The following LHX8 variants were observed in gnomAD, a reference collection of about 807,000 sequenced individuals.
The protein encoded by LHX8 is LIM/homeobox protein Lhx8.
In LHX8, 12 loss-of-function variants were observed where a neutral mutation model predicts 40.3. The observed-to-expected ratio is 0.30, with a 90% CI of 0.19 to 0.48. The LOEUF is 0.48. LHX8 is among the 20% of genes least tolerant of loss of function. The pLI, the probability that LHX8 is intolerant of heterozygous loss-of-function variation, is 0.99. For synonymous variants in LHX8, 179 were observed against 162.0 expected, an observed-to-expected ratio of 1.10 and a Z score of -0.80; for missense variants, 344 against 433.7, an observed-to-expected ratio of 0.79 and a Z score of 1.84.
rs1044966405 is a variant in LHX8 at position 75,161,032 on chromosome 1, A to T, written c.*137A>T. 1.9e-5 allele frequency: 13 copies of T among 688,034 alleles called. No homozygotes were observed. The highest frequency in any genetic ancestry group is 9.0e-5 in the African/African-American group (5 of 55,684). 42.6% of individuals were successfully genotyped at this position (688,034 alleles called of 1,614,324 possible). A position where few individuals can be genotyped will look rare whatever the true frequency, so the allele number is the denominator to read the frequency against. On this transcript the variant is annotated 3_prime_UTR_variant, in exon 9 of 9. Transcript: ENST00000356261. ...TCCAACATCACTTTGCTGCCCAGGTATGTATCTATAGTTGGCCTGCAAGAC... is the reference window on the plus strand; with the variant it reads ...TCCAACATCACTTTGCTGCCCAGGTTTGTATCTATAGTTGGCCTGCAAGAC...
At chr1:75,165,933 A>G (rs1041576891), downstream of LHX8, among the ~76,000 whole-genome samples, 1 of 152,226 alleles carries the variant, frequency 6.6e-6, no homozygotes, top group South Asian at 2.1e-4. Flanking sequence ...ACTGTATCCC[A>G]AGGACACTTA....
the LHX8 span, among the ~76,000 whole-genome samples, chr1:75,179,317 T>G: frequency 6.6e-6 from 1 of 152,052 alleles, no homozygotes; most frequent in Non-Finnish European, 1.5e-5. Flanking sequence ...AAGTCTCTTT[T>G]TAGGTCTCTA....
At chr1:75,128,905 T>C (rs1570278392) in intron 1 of LHX8, among the ~76,000 whole-genome samples, 1 of 151,896 alleles carries the variant, frequency 6.6e-6, no homozygotes, top group Non-Finnish European at 1.5e-5. Context: ...CCCAGGGAGG[T>C]GCGTCTAACC....
chr1:75,169,179 C>T, the LHX8 span, among the ~76,000 whole-genome samples: 1 of 152,126 alleles, frequency 6.6e-6, no homozygotes, highest in African/African-American at 2.4e-5. Flanking sequence ...CTCCCCTACT[C>T]ATTCACTTGC....
At chr1:75,167,548 C>G in the LHX8 span, among the ~76,000 whole-genome samples, 1 of 152,164 alleles carries the variant, frequency 6.6e-6, no homozygotes, top group South Asian at 2.1e-4. Context: ...CTCCAGGAAG[C>G]CTGCCCTGAT....
intron 7 of LHX8, among the ~76,000 whole-genome samples, chr1:75,154,125 G>T (rs894274291): frequency 6.6e-6 from 1 of 152,168 alleles, no homozygotes; most frequent in African/African-American, 2.4e-5. Context: ...TTGCAAACAA[G>T]AAGGAGGAAA....
chr1:75,172,818 C>A, the LHX8 span, among the ~76,000 whole-genome samples: 1 of 152,082 alleles, frequency 6.6e-6, no homozygotes, highest in Non-Finnish European at 1.5e-5. Flanking sequence ...CAAAAATAAT[C>A]GTGTTTGGGC....
intron 3 of LHX8, among the ~76,000 whole-genome samples, chr1:75,138,714 G>T (rs888312735): frequency 6.6e-6 from 1 of 152,134 alleles, no homozygotes; most frequent in Non-Finnish European, 1.5e-5. Flanking sequence ...AGAAGATATA[G>T]AAGGGTTATG....
chr1:75,139,106 GA>G (rs1029515368), intron 3 of LHX8, among the ~76,000 whole-genome samples: 4 of 152,088 alleles, frequency 2.6e-5, no homozygotes, highest in Non-Finnish European at 4.4e-5. Flanking sequence ...AACTAATATA[GA>G]AAAACACTAT....
chr1:75,139,368 G>GA (rs1171793680), intron 3 of LHX8, among the ~76,000 whole-genome samples: 2 of 152,084 alleles, frequency 1.3e-5, no homozygotes, highest in African/African-American at 4.8e-5. Context: ...AGTGAACTTT[G>GA]AAAAAACGTG....
At chr1:75,191,363 C>T in the LHX8 span, among the ~76,000 whole-genome samples, 1 of 152,140 alleles carries the variant, frequency 6.6e-6, no homozygotes, top group Non-Finnish European at 1.5e-5. Flanking sequence ...CTCTGCACCC[C>T]ACCCGCAGCC....
rs765335899 is a variant in LHX8 at position 75,143,301 on chromosome 1, C to G, written c.543C>G (p.Asp181Glu). 2.4e-5 allele frequency: 39 copies of G among 1,613,102 alleles called. No individual in the cohort carries two copies. The highest frequency in any genetic ancestry group is 3.3e-5 in the Non-Finnish European group (39 of 1,179,326). The stretch of plus-strand genomic sequence containing the variant: ...AAGTCCTCTGCAGAGTACATTATGA[C>G]TGCATGCTGGATAATTTAAAAAGAG... Reference protein sequence around the residue: ...EEKVLCRVHYDCMLDNLKREV... With the variant: ...EEKVLCRVHYECMLDNLKREV... Residue 181 changes from aspartate (D) to glutamate (E), a missense_variant, in exon 5 of 9, where the codon GAC (aspartate) becomes GAG (glutamate). Transcript: ENST00000356261.
Position 75,138,313 on chromosome 1 carries a change from G to GT in LHX8, c.237+1053dup, listed in dbSNP as rs1298980272. Among the ~76,000 whole-genome samples, 4 of 152,290 alleles carry GT rather than the reference G, an allele frequency of 2.6e-5. No individual in the cohort carries two copies. The East Asian group carries it at 7.7e-4, about 29-fold the overall frequency. On this transcript the variant is annotated intron_variant, in intron 3 of 8. Coordinates refer to ENST00000356261, the MANE Select transcript of LHX8 (RefSeq NM_001256114.2). ...TTTTCAAAAGGATTAATTATGGAGA[G>GT]TATGTGTTCAAAATTCGTGTTAGTG...
chr1:75,129,051 G>C (rs2100320713), intron 1 of LHX8, among the ~76,000 whole-genome samples: 1 of 152,312 alleles, frequency 6.6e-6, no homozygotes, highest in South Asian at 2.1e-4. Context: ...TGTGGTAGGA[G>C]AAACATTATG....
At chr1:75,163,142 T>C (rs1648964171), downstream of LHX8, among the ~76,000 whole-genome samples, 1 of 152,198 alleles carries the variant, frequency 6.6e-6, no homozygotes, top group Admixed American at 6.5e-5. Flanking sequence ...GTAGTAGTTT[T>C]ACATTTGACA....
chr1:75,171,276 A>T, the LHX8 span, among the ~76,000 whole-genome samples: 1 of 152,132 alleles, frequency 6.6e-6, no homozygotes, highest in Non-Finnish European at 1.5e-5. Flanking sequence ...TAATCATTTG[A>T]GTGAGTACAC....
chr1:75,138,630 C>A (rs1199741754), intron 3 of LHX8, among the ~76,000 whole-genome samples: 1 of 152,022 alleles, frequency 6.6e-6, no homozygotes, highest in Non-Finnish European at 1.5e-5. Flanking sequence ...TTTTAATGAG[C>A]CCTCTCAATA....
intron 1 of LHX8, among the ~76,000 whole-genome samples, chr1:75,128,760 T>A (rs149285663): frequency 1.6e-3 from 244 of 152,342 alleles, no homozygotes; most frequent in African/African-American, 5.7e-3. Flanking sequence ...CAAGCATTTT[T>A]AAATGTTATA....
chr1:75,130,311 T>G, upstream of LHX8: 1 of 239,868 alleles, frequency 4.2e-6, no homozygotes, highest in South Asian at 7.8e-5. Flanking sequence ...AAACACCGAG[T>G]CACTCGTACA....
Sources: allele counts gnomAD v4.1 joint callset (sites outside exome capture counted in the v4.1 genomes callset), GRCh38; gene constraint gnomAD v4.1.1; transcripts MANE v1.5; gene names NCBI Gene and HGNC (gene_info 2026-07-23, HGNC 2026-07-21).